The following GNG4 variants were observed in gnomAD, a reference collection of about 807,000 sequenced individuals.
GNG4 encodes guanine nucleotide-binding protein G(I)/G(S)/G(O) subunit gamma-4.
Under a neutral mutation model 5.8 loss-of-function variants are expected in GNG4, and 4 were observed. The ratio of observed to expected loss-of-function variants is 0.69; its 90% CI spans 0.34 to 1.57. GNG4 has a LOEUF of 1.57. Ranked by LOEUF, GNG4 falls within the 40% of genes most tolerant of loss-of-function variation. GNG4 has a pLI of 0.06. For synonymous variants in GNG4, 29 were observed against 32.9 expected, an observed-to-expected ratio of 0.88 and a Z score of 0.41; for missense variants, 96 against 95.1, an observed-to-expected ratio of 1.01 and a Z score of -0.04.
intron 3 of GNG4, among the ~76,000 whole-genome samples, chr1:235,564,738 T>C (rs1195854636): frequency 1.3e-5 from 2 of 152,186 alleles, no homozygotes; most frequent in Non-Finnish European, 2.9e-5. Flanking sequence ...CAGGCTGGAG[T>C]GCAGTGGCAC....
chr1:235,585,477 CAT>C (rs917818565), intron 2 of GNG4, among the ~76,000 whole-genome samples: 1 of 152,124 alleles, frequency 6.6e-6, no homozygotes, highest in African/African-American at 2.4e-5. Flanking sequence ...TAAGCAGTTA[CAT>C]ATATGTTTTC....
intron 1 of GNG4, among the ~76,000 whole-genome samples, chr1:235,601,663 T>C (rs1340686458): frequency 6.6e-6 from 1 of 152,140 alleles, no homozygotes; most frequent in African/African-American, 2.4e-5. Context: ...AGGTGGCCCC[T>C]GGATAGATAT....
At position 235,552,168 on chromosome 1, in the gene GNG4, G is replaced by C. The variant is rs780123563; in HGVS notation, c.169C>G (p.Pro57Ala). The C allele has an allele frequency of 1.1e-5, 17 of 1,613,638 alleles. No homozygotes were observed. The East Asian group carries it at 3.6e-4, about 34-fold the overall frequency. Residue 57 changes from proline (P) to alanine (A), a missense_variant, in exon 4 of 4, where the codon CCA becomes GCA. Coordinates refer to ENST00000391854, the MANE Select transcript of GNG4 (RefSeq NM_001098722.2). ...AHVREDPLIIPVPASENPFRE... is the reference protein window; with the variant it reads ...AHVREDPLIIAVPASENPFRE... ...AAGGGGTTTTCTGATGCAGGCACTG[G>C]AATGATGAGAGGATCTTCCCGCACG...
intron 1 of GNG4, among the ~76,000 whole-genome samples, chr1:235,618,527 A>C (rs543292940): frequency 8.6e-4 from 131 of 152,214 alleles, no homozygotes; most frequent in Non-Finnish European, 1.6e-3. Flanking sequence ...CAATTTGGGA[A>C]GCCAGACTCT....
At chr1:235,627,171 C>G (rs1345775540) in intron 1 of GNG4, among the ~76,000 whole-genome samples, 4 of 151,818 alleles carry the variant, frequency 2.6e-5, no homozygotes, top group African/African-American at 4.8e-5. Context: ...GTTTTCACAC[C>G]TGTGGAATAG....
intron 3 of GNG4, among the ~76,000 whole-genome samples, chr1:235,579,434 A>AT (rs1289294056): frequency 2.8e-5 from 4 of 142,702 alleles, no homozygotes; most frequent in Non-Finnish European, 6.1e-5. Context: ...AAATACATTA[A>AT]TAAAAAAAAA....
intron 1 of GNG4, among the ~76,000 whole-genome samples, chr1:235,613,182 C>CT (rs1265947381): frequency 6.6e-6 from 1 of 152,138 alleles, no homozygotes; most frequent in Non-Finnish European, 1.5e-5. Context: ...AGCATGGCGT[C>CT]TACATCAGAT....
chr1:235,593,900 C>A (rs1458708174), intron 2 of GNG4, among the ~76,000 whole-genome samples: 2 of 152,186 alleles, frequency 1.3e-5, no homozygotes, highest in Non-Finnish European at 2.9e-5. Flanking sequence ...AGCAAAAGAA[C>A]AAAGCCTGCA....
At chr1:235,623,961 T>C (rs1437178686) in intron 1 of GNG4, among the ~76,000 whole-genome samples, 7 of 152,178 alleles carry the variant, frequency 4.6e-5, no homozygotes, top group Admixed American at 4.6e-4. Context: ...AACTCCACAA[T>C]GTTTAAATGC....
intron 3 of GNG4, among the ~76,000 whole-genome samples, chr1:235,572,876 G>A (rs1288160117): frequency 1.3e-5 from 2 of 152,114 alleles, no homozygotes; most frequent in Admixed American, 6.5e-5. Flanking sequence ...CAGTTTTTAT[G>A]TAGTGCCTGA....
chr1:235,553,205 AG>A (rs1686800281), intron 3 of GNG4, among the ~76,000 whole-genome samples: 1 of 152,200 alleles, frequency 6.6e-6, no homozygotes. Flanking sequence ...CCCAAGCTCA[AG>A]GCCAGAGGAA....
At chr1:235,589,571 T>C (rs1006640216) in intron 2 of GNG4, among the ~76,000 whole-genome samples, 2 of 152,182 alleles carry the variant, frequency 1.3e-5, no homozygotes, top group African/African-American at 4.8e-5. Flanking sequence ...AACCTCAGCA[T>C]GGGCTGGAAC....
chr1:235,587,769 G>A (rs74704715), intron 2 of GNG4, among the ~76,000 whole-genome samples: 8 of 137,772 alleles, frequency 5.8e-5, no homozygotes, highest in African/African-American at 2.2e-4. Context: ...GTGGGAGAGT[G>A]TGGGGTGGGG....
At position 235,552,166 on chromosome 1, in the gene GNG4, T is replaced by G. The variant is rs1281410156; in HGVS notation, c.171A>C (p.Pro57=). Residue 57 remains proline (P), a synonymous_variant, in exon 4 of 4, where the codon CCA becomes CCC. Transcript: ENST00000391854. ...GAAAGGGGTTTTCTGATGCAGGCAC[T>G]GGAATGATGAGAGGATCTTCCCGCA... ...AHVREDPLII[P]VPASENPFRE... 1.5e-5 allele frequency: 25 copies of G among 1,613,722 alleles called. 1 individual carries two copies. The highest frequency in any genetic ancestry group is 3.3e-4 in the Middle Eastern group (2 of 6,084).
rs1249462084 is a variant in GNG4 at position 235,552,051 on chromosome 1, T to C, written c.*58A>G. The C allele has an allele frequency of 6.5e-7, 1 of 1,533,194 alleles. No individual in the cohort carries two copies. The highest frequency in any genetic ancestry group is 9.0e-7 in the Non-Finnish European group (1 of 1,108,406). 95.0% of individuals were successfully genotyped at this position (1,533,194 alleles called of 1,614,324 possible). A position where few individuals can be genotyped will look rare whatever the true frequency, so the allele number is the denominator to read the frequency against. On this transcript the variant is annotated 3_prime_UTR_variant, in exon 4 of 4. Coordinates refer to ENST00000391854, the MANE Select transcript of GNG4 (RefSeq NM_001098722.2). Reference sequence around the variant, plus strand: ...CACTCCCTAAGGCTTAGAGCATGCATGGTCTCTACAGGGGACTTTGAAGGT... The same window carrying C: ...CACTCCCTAAGGCTTAGAGCATGCACGGTCTCTACAGGGGACTTTGAAGGT...
rs1328783090 is a variant in GNG4, at chr1:235,648,424, G to A, written c.-123+1238C>T. On this transcript the variant is annotated intron_variant, in intron 1 of 3. Coordinates refer to ENST00000391854, the MANE Select transcript of GNG4 (RefSeq NM_001098722.2). This position sits in a 1 kb window ranked among gnomAD's most constrained non-coding sequence, Gnocchi z 5.0. ...CTGTCTGTTTCTCCGGGCTGGAAAAGGCTTTCCATTTATCAACTTAGTTGT... is the reference window on the plus strand; with the variant it reads ...CTGTCTGTTTCTCCGGGCTGGAAAAAGCTTTCCATTTATCAACTTAGTTGT... 1.3e-5 allele frequency among the ~76,000 whole-genome samples: 2 copies of A among 152,204 alleles called. No homozygotes were observed. The highest frequency in any genetic ancestry group is 3.8e-4 in the East Asian group (2 of 5,196).
rs1657357121 is a variant in GNG4 at position 235,642,332 on chromosome 1, T to A, written c.-123+7330A>T. ...CTGGTGCTTGGGGGTGGGAAAAGAGTGACCGGGGGCAACTGAGCAAAACAT... is the reference window on the plus strand; with the variant it reads ...CTGGTGCTTGGGGGTGGGAAAAGAGAGACCGGGGGCAACTGAGCAAAACAT... On this transcript the variant is annotated intron_variant, in intron 1 of 3. Coordinates refer to ENST00000391854, the MANE Select transcript of GNG4 (RefSeq NM_001098722.2). The surrounding 1 kb of genome is among the most constrained non-coding windows in gnomAD (Gnocchi z 4.3). Among the ~76,000 whole-genome samples the A allele has an allele frequency of 6.6e-6, 1 of 151,702 alleles. No individual in the cohort carries two copies. The highest frequency in any genetic ancestry group is 1.5e-5 in the Non-Finnish European group (1 of 67,932).
chr1:235,637,650 T>C (rs1408069742), intron 1 of GNG4, among the ~76,000 whole-genome samples: 2 of 95,972 alleles, frequency 2.1e-5, no homozygotes, highest in Non-Finnish European at 4.2e-5. Flanking sequence ...CAAGACCTTG[T>C]CTCAAAAAAA....
chr1:235,640,448 C>T (rs1423832725), intron 1 of GNG4, among the ~76,000 whole-genome samples: 1 of 152,238 alleles, frequency 6.6e-6, no homozygotes, highest in African/African-American at 2.4e-5. Flanking sequence ...AAAATGTATG[C>T]AGCCAGGTTT....
Sources: gnomAD v4.1 joint callset for allele counts (sites outside exome capture counted in the v4.1 genomes callset) on GRCh38, gnomAD v4.1.1 for gene constraint, Gnocchi (gnomAD v3.1) non-coding constraint, MANE v1.5 for transcripts, NCBI Gene and HGNC (gene_info 2026-07-23, HGNC 2026-07-21) for gene names.